Variants in CABLES1 observed in about 807,000 individuals in gnomAD.
CABLES1 encodes Cdk5 and Abl enzyme substrate 1.
A neutral mutation model predicts 57.8 loss-of-function variants in CABLES1; 36 were observed. The observed-to-expected ratio is 0.62, with a 90% CI of 0.48 to 0.82. The LOEUF is 0.82. Among genes scored for constraint, CABLES1 ranks in the 40% least tolerant of loss-of-function variants. The pLI is 0.00. For synonymous variants in CABLES1, 374 were observed against 363.0 expected (o/e 1.03, Z -0.35); for missense variants, 767 against 836.6 (o/e 0.92, Z 1.03).
chr18:23,200,302 C>T (rs369876969), intron 3 of CABLES1, among the ~76,000 whole-genome samples: 3 of 151,786 alleles, frequency 2.0e-5, no homozygotes, highest in Non-Finnish European at 4.4e-5. Context: ...CTCTGTCTCC[C>T]AGGCTGCAGT....
At position 23,135,778 on chromosome 18, in the gene CABLES1, G is replaced by GCGGCCGCCACCA. The variant is rs1356749478; in HGVS notation, c.25_36dup (p.Thr9_Ala12dup). ...GACGGACACAATGGCGGCGGCGGCGGCGGCCGCCACCACGGCCGCCTGCAG... is the reference window on the plus strand; with the variant it reads ...GACGGACACAATGGCGGCGGCGGCGGCGGCCGCCACCACGGCCGCCACCACGGCCGCCTGCAG... On this transcript the variant is annotated inframe_insertion, in exon 1 of 10. Transcript: ENST00000256925. 2 of 985,416 alleles carry GCGGCCGCCACCA rather than the reference G, an allele frequency of 2.0e-6. No individual in the cohort carries two copies. Among genetic ancestry groups the GCGGCCGCCACCA allele is most frequent in the Non-Finnish European group, 2.4e-6 (2 of 831,306 alleles). The allele number at this position is 985,416 out of a possible 1,614,324, so 61.0% of individuals were successfully genotyped here. A position where few individuals can be genotyped will look rare whatever the true frequency, so the allele number is the denominator to read the frequency against.
intron 7 of CABLES1, among the ~76,000 whole-genome samples, chr18:23,239,725 C>A (rs2047688720): frequency 6.6e-6 from 1 of 152,172 alleles, no homozygotes; most frequent in Admixed American, 6.5e-5. Context: ...CAGCCACAAC[C>A]CCTCTTCTCC....
chr18:23,169,713 C>T, intron 1 of CABLES1, among the ~76,000 whole-genome samples: 1 of 152,218 alleles, frequency 6.6e-6, no homozygotes, highest in Non-Finnish European at 1.5e-5. Flanking sequence ...TGCTTTCTAA[C>T]ACAGCAGCAG....
intron 1 of CABLES1, among the ~76,000 whole-genome samples, chr18:23,177,490 G>C (rs1038273335): frequency 1.3e-5 from 2 of 151,110 alleles, no homozygotes; most frequent in East Asian, 1.9e-4. Context: ...CAGCCCCGCC[G>C]GTCTATGTGT....
At chr18:23,151,992 CA>C (rs1473554932) in intron 1 of CABLES1, among the ~76,000 whole-genome samples, 11 of 152,148 alleles carry the variant, frequency 7.2e-5, no homozygotes, top group Admixed American at 1.3e-4. Context: ...AGATACGGAG[CA>C]GGGGGAGTGG....
At chr18:23,150,210 T>G (rs2046918678) in intron 1 of CABLES1, among the ~76,000 whole-genome samples, 1 of 141,704 alleles carries the variant, frequency 7.1e-6, no homozygotes, top group African/African-American at 2.7e-5. Context: ...GGTGTTTGTT[T>G]TTTTTTTTTT....
intron 1 of CABLES1, among the ~76,000 whole-genome samples, chr18:23,179,876 C>T (rs527945372): frequency 3.6e-4 from 55 of 152,290 alleles, no homozygotes; most frequent in Middle Eastern, 3.4e-3. Context: ...TCTGTGAACA[C>T]GTGTACTAGG....
chr18:23,171,724 A>G (rs538270406), intron 1 of CABLES1, among the ~76,000 whole-genome samples: 2 of 152,236 alleles, frequency 1.3e-5, no homozygotes, highest in Admixed American at 6.5e-5. Context: ...CACAGAGTCC[A>G]CAGCTGCTCA....
Position 23,136,006 on chromosome 18 carries a change from G to A in CABLES1, c.244G>A (p.Asp82Asn), listed in dbSNP as rs759668792. Residue 82 changes from aspartate (D) to asparagine (N), a missense_variant, in exon 1 of 10, where the codon GAC (aspartate) becomes AAC (asparagine). Coordinates refer to ENST00000256925, the MANE Select transcript of CABLES1 (RefSeq NM_001100619.3). ...ISLDGRLPPQ[D>N]AEWGGGEEGG... is the part of the protein sequence containing the mutation. ...GCTGGACGGCCGGCTGCCGCCGCAG[G>A]ACGCGGAGTGGGGCGGTGGCGAGGA... 4 of 1,141,526 alleles carry A rather than the reference G, an allele frequency of 3.5e-6. No homozygotes were observed. Among genetic ancestry groups the A allele is most frequent in the African/African-American group, 1.6e-5 (1 of 61,342 alleles). The allele number at this position is 1,141,526 out of a possible 1,614,324, so 70.7% of individuals were successfully genotyped here. A position where few individuals can be genotyped will look rare whatever the true frequency, so the allele number is the denominator to read the frequency against.
chr18:23,157,287 A>G (rs2046972005), intron 1 of CABLES1, among the ~76,000 whole-genome samples: 1 of 152,222 alleles, frequency 6.6e-6, no homozygotes, highest in African/African-American at 2.4e-5. Context: ...GTCTGCAAAT[A>G]TAGAACCTGG....
intron 6 of CABLES1, 46 bp downstream of exon 6, chr18:23,236,097 G>A (rs374412864): frequency 2.5e-6 from 4 of 1,592,386 alleles, no homozygotes; most frequent in Admixed American, 1.7e-5. Context: ...TGGGAGGGAG[G>A]TGCCTCCATT....
intron 1 of CABLES1, among the ~76,000 whole-genome samples, chr18:23,153,362 T>G (rs1023648097): frequency 3.9e-5 from 6 of 152,068 alleles, no homozygotes; most frequent in African/African-American, 1.4e-4. Flanking sequence ...CCTCCCAATG[T>G]GCTAGGATTA....
intron 1 of CABLES1, among the ~76,000 whole-genome samples, chr18:23,184,689 C>T (rs1447162620): frequency 2.6e-5 from 4 of 151,924 alleles, no homozygotes; most frequent in Non-Finnish European, 5.9e-5. Context: ...GGTGACAGAG[C>T]GAGACTCTGT....
intron 1 of CABLES1, among the ~76,000 whole-genome samples, chr18:23,159,299 G>A (rs1598803913): frequency 6.6e-6 from 1 of 152,330 alleles, no homozygotes; most frequent in African/African-American, 2.4e-5. Context: ...GGCTGGGAGT[G>A]GGAGGTGGAG....
At chr18:23,160,289 A>G (rs1175660479) in intron 1 of CABLES1, among the ~76,000 whole-genome samples, 2 of 152,092 alleles carry the variant, frequency 1.3e-5, no homozygotes, top group East Asian at 1.9e-4. Flanking sequence ...TCAGCCTCCC[A>G]AAGTGCTGGG....
intron 8 of CABLES1, among the ~76,000 whole-genome samples, chr18:23,253,464 CAG>C (rs970680760): frequency 5.9e-5 from 9 of 152,328 alleles, no homozygotes; most frequent in Admixed American, 3.9e-4. Context: ...GCCTGGAAAA[CAG>C]AGTGAGACTC....
At chr18:23,165,078 T>G (rs1301716702) in intron 1 of CABLES1, among the ~76,000 whole-genome samples, 4 of 152,074 alleles carry the variant, frequency 2.6e-5, no homozygotes, top group Admixed American at 2.6e-4. Flanking sequence ...CGGCCTTAAC[T>G]ATTCTTTTAA....
At chr18:23,229,335 C>T (rs1432542948) in intron 4 of CABLES1, among the ~76,000 whole-genome samples, 2 of 152,166 alleles carry the variant, frequency 1.3e-5, no homozygotes, top group African/African-American at 4.8e-5. Flanking sequence ...TCGCTTGAAC[C>T]TGGGAGGCAG....
intron 1 of CABLES1, among the ~76,000 whole-genome samples, chr18:23,157,144 C>T (rs1706387346): frequency 6.6e-6 from 1 of 152,140 alleles, no homozygotes; most frequent in Admixed American, 6.5e-5. Flanking sequence ...AATCCCAGCA[C>T]TCTGGGAGGC....
Sources: allele counts gnomAD v4.1 joint callset (sites outside exome capture counted in the v4.1 genomes callset), GRCh38; gene constraint gnomAD v4.1.1; transcripts MANE v1.5; gene names NCBI Gene and HGNC (gene_info 2026-07-23, HGNC 2026-07-21).